Variants in CACNA1E observed in about 807,000 individuals in gnomAD.
CACNA1E encodes the protein calcium voltage-gated channel subunit alpha1 E.
In CACNA1E, 40 loss-of-function variants were observed where a neutral mutation model predicts 259.2. The observed-to-expected ratio is 0.15, with a 90% confidence interval of 0.12 to 0.20. CACNA1E has a LOEUF of 0.20. CACNA1E is among the 10% of genes least tolerant of loss of function. The pLI is 1.00. For synonymous variants in CACNA1E, 1,104 were observed against 1,138.5 expected, an observed-to-expected ratio of 0.97 and a Z score of 0.61; for missense variants, 1,874 against 3,040.1, an observed-to-expected ratio of 0.62 and a Z score of 9.02.
intron 6 of CACNA1E, among the ~76,000 whole-genome samples, chr1:181,646,950 CTTTCTCT>C (rs1336911190): frequency 1.3e-5 from 2 of 152,220 alleles, no homozygotes; most frequent in Non-Finnish European, 2.9e-5. Context: ...CCCCGAACTG[CTTTCTCT>C]GTCATCACCC....
chr1:181,700,431 T>G (rs147808178), intron 7 of CACNA1E, among the ~76,000 whole-genome samples: 83 of 152,344 alleles, frequency 5.4e-4, no homozygotes, highest in African/African-American at 2.0e-3. Flanking sequence ...GGTGCACTTA[T>G]TCATGATGTA....
intron 8 of CACNA1E, among the ~76,000 whole-genome samples, chr1:181,714,817 C>T (rs568325157): frequency 6.6e-6 from 1 of 152,322 alleles, no homozygotes; most frequent in East Asian, 1.9e-4. Context: ...ACAAGCCCCC[C>T]TCCTGTCTCC....
chr1:181,568,906 C>G (rs185278699), intron 3 of CACNA1E, among the ~76,000 whole-genome samples: 22 of 152,270 alleles, frequency 1.4e-4, no homozygotes, highest in Admixed American at 4.6e-4. Flanking sequence ...GTGCCTGGCC[C>G]TCTTCGGACT....
At chr1:181,451,670 G>A (rs1414838953) in intron 2 of CACNA1E, among the ~76,000 whole-genome samples, 6 of 150,832 alleles carry the variant, frequency 4.0e-5, no homozygotes, top group Admixed American at 1.3e-4. Flanking sequence ...CAACAAGAGC[G>A]AAACTCAGTC....
intron 2 of CACNA1E, among the ~76,000 whole-genome samples, chr1:181,458,344 C>T (rs943880873): frequency 2.6e-5 from 4 of 152,190 alleles, no homozygotes; most frequent in African/African-American, 9.7e-5. Flanking sequence ...CCCACAGTTT[C>T]CTATGCCCAC....
At chr1:181,354,292 T>C (rs1653262934) in intron 1 of CACNA1E, among the ~76,000 whole-genome samples, 1 of 152,108 alleles carries the variant, frequency 6.6e-6, no homozygotes. Flanking sequence ...GCAAGAGAGA[T>C]CATAAGCAAA....
chr1:181,326,603 T>C (rs748117610), intron 1 of CACNA1E, among the ~76,000 whole-genome samples: 2 of 152,134 alleles, frequency 1.3e-5, no homozygotes, highest in Non-Finnish European at 2.9e-5. Flanking sequence ...CTATTTATGG[T>C]CCACACATCC....
In CACNA1E at chr1:181,329,793, T is replaced by G. The variant is rs1651100714; in HGVS notation, c.-15+11670T>G. ...CCCAGTTCATGTATGTATACTTAGT[T>G]ACTTGTTAGTTTAGCATCTGTGTCT... is the stretch of plus-strand genomic sequence containing the variant. On this transcript the variant is annotated intron_variant, in intron 1 of 11. Transcript: ENST00000524607. 2.0e-5 allele frequency among the ~76,000 whole-genome samples: 3 copies of G among 152,234 alleles called. 1 individual carries two copies. The South Asian group carries it at 6.2e-4, about 31-fold the overall frequency.
At chr1:181,709,376 G>A (rs3891462) in intron 7 of CACNA1E, among the ~76,000 whole-genome samples, 19,651 of 151,214 alleles carry the variant, frequency 0.13, 1,363 homozygotes, top group Admixed American at 0.19. Flanking sequence ...TTGTCCTTCC[G>A]GTGTGCCTTT....
chr1:181,558,713 A>G (rs1347562670), intron 3 of CACNA1E, among the ~76,000 whole-genome samples: 1 of 152,224 alleles, frequency 6.6e-6, no homozygotes, highest in African/African-American at 2.4e-5. Flanking sequence ...TCAGCATGGA[A>G]GGATTGGAGG....
At chr1:181,399,564 A>G (rs1656938088) in intron 1 of CACNA1E, among the ~76,000 whole-genome samples, 1 of 152,174 alleles carries the variant, frequency 6.6e-6, no homozygotes. Context: ...GGTGGTAATG[A>G]AATAGTGAAA....
chr1:181,547,797 C>T (rs1189464607), intron 3 of CACNA1E, among the ~76,000 whole-genome samples: 1 of 152,260 alleles, frequency 6.6e-6, no homozygotes, highest in Non-Finnish European at 1.5e-5. Context: ...GTCAGTTCCA[C>T]ACATTGAGCC....
chr1:181,425,852 C>T (rs1315766587), intron 2 of CACNA1E, among the ~76,000 whole-genome samples: 1 of 152,020 alleles, frequency 6.6e-6, no homozygotes, highest in Admixed American at 6.5e-5. Flanking sequence ...GAGGGCTTGT[C>T]CCCCTTTCCC....
At chr1:181,451,457 G>T (rs1661151480) in intron 2 of CACNA1E, among the ~76,000 whole-genome samples, 1 of 152,148 alleles carries the variant, frequency 6.6e-6, no homozygotes, top group Admixed American at 6.5e-5. Context: ...AGGCTGAGGT[G>T]GGTGGATCAC....
chr1:181,443,031 T>A (rs1199120156), intron 2 of CACNA1E, among the ~76,000 whole-genome samples: 1 of 152,192 alleles, frequency 6.6e-6, no homozygotes, highest in Non-Finnish European at 1.5e-5. Flanking sequence ...GCTGGCCCAG[T>A]GCAGAGGGGC....
Position 181,689,073 on chromosome 1 carries a change from G to A in CACNA1E, c.1056-21881G>A, listed in dbSNP as rs571417158. On this transcript the variant is annotated intron_variant, in intron 7 of 47. Coordinates refer to ENST00000367573, the MANE Select transcript of CACNA1E (RefSeq NM_001205293.3). The stretch of plus-strand genomic sequence containing the variant: ...TACACATGACATGGTGGTTTGCTGC[G>A]CCCATCAACCCATCATCTACATTAG... 2.1e-4 allele frequency among the ~76,000 whole-genome samples: 32 copies of A among 152,004 alleles called. No individual in the cohort carries two copies. In the East Asian group the frequency reaches 4.1e-3, roughly 19 times the overall value.
At position 181,790,290 on chromosome 1, in the gene CACNA1E, C is replaced by CTTT. The variant is rs33973972; in HGVS notation, c.5787-140_5787-138dup. ...ACATCAGTTTCTGTCTCTTCTAGTG[C>CTTT]TTTTTTTTTTTTTTTTTAATTTCAG... On this transcript the variant is annotated intron_variant, in intron 43 of 47. Coordinates refer to ENST00000367573, the MANE Select transcript of CACNA1E (RefSeq NM_001205293.3). Among the ~76,000 whole-genome samples the CTTT allele has an allele frequency of 3.7e-4, 43 of 115,328 alleles. 1 individual carries two copies. The highest frequency in any genetic ancestry group is 8.1e-4 in the African/African-American group (25 of 30,768). 75.7% of individuals were successfully genotyped at this position (115,328 alleles called of 152,430 possible).
chr1:181,784,613 G>A (rs747341839), intron 40 of CACNA1E, 48 bp from the exon 41 acceptor site: 3 of 1,305,928 alleles, frequency 2.3e-6, no homozygotes, highest in Non-Finnish European at 2.2e-6. Context: ...CCTCAGTCCT[G>A]GTTATTTCTG....
chr1:181,526,447 A>G (rs912856077), intron 3 of CACNA1E, among the ~76,000 whole-genome samples: 2 of 150,390 alleles, frequency 1.3e-5, no homozygotes, highest in African/African-American at 2.5e-5. Context: ...ATGCATCTTA[A>G]TTAACAAAAG....
Sources: allele counts gnomAD v4.1 joint callset (sites outside exome capture counted in the v4.1 genomes callset), GRCh38; gene constraint gnomAD v4.1.1; transcripts MANE v1.5; gene names NCBI Gene and HGNC (gene_info 2026-07-23, HGNC 2026-07-21).